The following MORF4L2 variants were observed in gnomAD, a reference collection of about 807,000 sequenced individuals.
MORF4L2 encodes mortality factor 4-like protein 2.
A neutral mutation model predicts 12.0 loss-of-function variants in MORF4L2; 1 was observed. The ratio of observed to expected loss-of-function variants is 0.08; its 90% CI spans 0.03 to 0.40. MORF4L2 has a LOEUF of 0.40. Among genes scored for constraint, MORF4L2 ranks in the 10% least tolerant of loss-of-function variants. The pLI, the probability that MORF4L2 is intolerant of heterozygous loss-of-function variation, is 0.98. For synonymous variants in MORF4L2, 69 were observed against 81.6 expected, an observed-to-expected ratio of 0.85 and a Z score of 0.83; for missense variants, 123 against 214.0, an observed-to-expected ratio of 0.57 and a Z score of 2.65.
At chrX:103,684,117 C>CAA (rs1342443661) in intron 2 of MORF4L2, among the ~76,000 whole-genome samples, 1 of 112,505 alleles carries the variant, frequency 8.9e-6, no homozygotes, top group African/African-American at 3.2e-5. Flanking sequence ...ATTTGGGAAT[C>CAA]AGACTGCAAA....
At chrX:103,678,117 A>T (rs997061486) in intron 3 of MORF4L2, among the ~76,000 whole-genome samples, 1 of 110,657 alleles carries the variant, frequency 9.0e-6, no homozygotes, top group Admixed American at 9.7e-5. Context: ...ACAAAAAAAA[A>T]AAAATAAAGC....
chrX:103,687,226 C>T (rs1271010785), upstream of MORF4L2: 1 of 109,864 alleles, frequency 9.1e-6, no homozygotes. Flanking sequence ...AAGGTTCCCG[C>T]GAGTGGGGAA....
intron 2 of MORF4L2, among the ~76,000 whole-genome samples, chrX:103,681,652 A>T (rs991607412): frequency 8.9e-6 from 1 of 112,224 alleles, no homozygotes; most frequent in African/African-American, 3.2e-5. Context: ...CTCCCTCTGC[A>T]CAAGTTGTGC....
At chrX:103,685,645 A>C (rs1200773511) in intron 1 of MORF4L2, 1 of 105,012 alleles carries the variant, frequency 9.5e-6, no homozygotes, top group African/African-American at 3.5e-5. Context: ...TCACCGGAAT[A>C]TCTGACTTCT....
rs780938449 is a variant in MORF4L2, at chrX:103,676,954, G to C, written c.74C>G (p.Thr25Ser). ...SAEEENFKKP[T>S]RSNMQRSKMR... is the part of the protein sequence containing the mutation. ...TTTACTTCTCTGCATGTTGCTTCTA[G>C]TTGGTTTTTTGAAGTTCTCTTCTTC... Residue 25 changes from threonine (T) to serine (S), a missense_variant, in exon 4 of 4, where the codon ACT becomes AGT. Thr to Ser is a moderately conservative substitution (Grantham distance 58). Coordinates refer to ENST00000441076, the MANE Select transcript of MORF4L2 (RefSeq NM_012286.3). 1 of 1,205,708 alleles carries C rather than the reference G, an allele frequency of 8.3e-7. No homozygotes were observed. Among genetic ancestry groups the C allele is most frequent in the East Asian group, 3.0e-5 (1 of 33,584 alleles).
chrX:103,679,119 T>C (rs1318956391), intron 2 of MORF4L2, among the ~76,000 whole-genome samples: 1 of 111,304 alleles, frequency 9.0e-6, no homozygotes, highest in Non-Finnish European at 1.9e-5. Flanking sequence ...AGCAGAGATC[T>C]GTGTACTGAC....
intron 2 of MORF4L2, among the ~76,000 whole-genome samples, chrX:103,681,596 C>T (rs1341152370): frequency 9.0e-6 from 1 of 111,630 alleles, no homozygotes; most frequent in African/African-American, 3.3e-5. Context: ...CAGAAGCGGG[C>T]TTAGTGAGTC....
In MORF4L2 at chrX:103,676,841, A is replaced by C; in HGVS notation, c.187T>G (p.Ser63Ala). Residue 63 changes from serine to alanine, a missense_variant, in exon 4 of 4, where the codon TCT (serine) becomes GCT (alanine). Ser to Ala is a moderately conservative substitution (Grantham distance 99, BLOSUM62 1). Transcript: ENST00000441076. ...GATCCTGAAGGGGGGTTCTCTGCAG[A>C]GCGACCACCCCATCTTCCTGGGAGA... The part of the protein sequence containing the change: ...PALPGRWGGR[S>A]AENPPSGSVR... The C allele has an allele frequency of 8.3e-7, 1 of 1,206,773 alleles. No individual in the cohort carries two copies. The highest frequency in any genetic ancestry group is 1.8e-5 in the South Asian group (1 of 56,658).
intron 1 of MORF4L2, among the ~76,000 whole-genome samples, chrX:103,686,069 C>T (rs531300521): frequency 9.2e-6 from 1 of 108,311 alleles, no homozygotes; most frequent in Non-Finnish European, 1.9e-5. Flanking sequence ...GCCTACTCAT[C>T]GCATGTGGTT....
At chrX:103,679,296 G>C (rs1345361929) in intron 2 of MORF4L2, among the ~76,000 whole-genome samples, 1 of 104,258 alleles carries the variant, frequency 9.6e-6, no homozygotes, top group African/African-American at 3.5e-5. Flanking sequence ...ACGAGATCAG[G>C]AGTTTGAGAC....
chrX:103,680,801 C>T (rs1222378199), intron 2 of MORF4L2, among the ~76,000 whole-genome samples: 1 of 112,315 alleles, frequency 8.9e-6, no homozygotes, highest in African/African-American at 3.2e-5. Context: ...GCACCTGTCA[C>T]ATGAGGTCAG....
At chrX:103,678,363 T>C (rs2073898031) in intron 3 of MORF4L2, 136 bp downstream of exon 3, 1 of 111,940 alleles carries the variant, frequency 8.9e-6, no homozygotes, top group Non-Finnish European at 1.9e-5. Context: ...ATGCCAAAGA[T>C]GATGAGCGTT....
chrX:103,677,139 C>G, intron 3 of MORF4L2, 88 bp from the exon 4 acceptor site: 1 of 709,503 alleles, frequency 1.4e-6, no homozygotes. Context: ...ATAACACATT[C>G]TAACTCCCTT....
intron 3 of MORF4L2, 67 bp from the exon 4 acceptor site, chrX:103,677,118 C>T: frequency 1.2e-6 from 1 of 847,543 alleles, no homozygotes; most frequent in Non-Finnish European, 1.6e-6. Flanking sequence ...TTCATAAAGG[C>T]CCATCAGAGA....
chrX:103,686,218 T>G (rs998676023), intron 1 of MORF4L2, among the ~76,000 whole-genome samples: 1 of 110,365 alleles, frequency 9.1e-6, no homozygotes, highest in Non-Finnish European at 1.9e-5. Context: ...ATTATTTCAT[T>G]GGTAAAAATT....
chrX:103,680,136 G>T (rs1458441104), intron 2 of MORF4L2, among the ~76,000 whole-genome samples: 1 of 111,882 alleles, frequency 8.9e-6, no homozygotes, highest in Non-Finnish European at 1.9e-5. Flanking sequence ...CAGTGAGCCA[G>T]GAGATCGTGC....
chrX:103,677,086 C>T, intron 3 of MORF4L2, 35 bp from the exon 4 acceptor site: 1 of 990,109 alleles, frequency 1.0e-6, no homozygotes, highest in Non-Finnish European at 1.3e-6. Flanking sequence ...TGGTTGTTTT[C>T]TATGGCAACC....
Position 103,677,669 on chromosome X carries a change from T to C in MORF4L2, c.-24-618A>G, listed in dbSNP as rs73522478. Among the ~76,000 whole-genome samples the C allele has an allele frequency of 5.9e-3, 662 of 112,466 alleles. 8 individuals carry two copies. The highest frequency in any genetic ancestry group is 0.02 in the African/African-American group (626 of 30,949). On this transcript the variant is annotated intron_variant, in intron 3 of 3. Coordinates refer to ENST00000441076, the MANE Select transcript of MORF4L2 (RefSeq NM_012286.3). ...AAATAAAATGACAGAACATAGGTAA[T>C]TCATCCATTCATTAATCTATTCAGT...
At chrX:103,683,551 T>C (rs977905960) in intron 2 of MORF4L2, among the ~76,000 whole-genome samples, 1 of 112,162 alleles carries the variant, frequency 8.9e-6, no homozygotes, top group Non-Finnish European at 1.9e-5. Flanking sequence ...AGCAAAACAC[T>C]AGGACCAATA....
Sources: allele counts gnomAD v4.1 joint callset (sites outside exome capture counted in the v4.1 genomes callset), GRCh38; gene constraint gnomAD v4.1.1; transcripts MANE v1.5; gene names NCBI Gene and HGNC (gene_info 2026-07-23, HGNC 2026-07-21).